Variants in CRPPA observed in about 807,000 individuals in gnomAD.
The protein encoded by CRPPA is D-ribitol-5-phosphate cytidylyltransferase.
Under a neutral mutation model 52.0 loss-of-function variants are expected in CRPPA, and 43 were observed. The ratio of observed to expected loss-of-function variants is 0.83; its 90% CI spans 0.65 to 1.07. The LOEUF (loss-of-function observed/expected upper bound fraction) is 1.07, where lower values mean the gene tolerates loss of function less well. CRPPA is among the 50% of genes least tolerant of loss of function. The pLI, the probability that CRPPA is intolerant of heterozygous loss-of-function variation, is 0.00. For missense variants in CRPPA, 629 were observed against 551.7 expected, an observed-to-expected ratio of 1.14 and a Z score of -1.40; for synonymous variants, 250 against 203.5, an observed-to-expected ratio of 1.23 and a Z score of -1.94.
At chr7:16,391,795 T>C (rs569105612) in intron 2 of CRPPA, among the ~76,000 whole-genome samples, 4 of 152,288 alleles carry the variant, frequency 2.6e-5, no homozygotes, top group Admixed American at 2.6e-4. Context: ...ACACATAGCA[T>C]GCACTCAGTA....
intron 9 of CRPPA, among the ~76,000 whole-genome samples, chr7:16,103,018 T>C (rs935967522): frequency 3.9e-5 from 6 of 152,164 alleles, no homozygotes; most frequent in African/African-American, 1.4e-4. Flanking sequence ...ATATTTATTG[T>C]AGCACTGTTC....
At chr7:16,165,874 CT>C (rs1179787447) in intron 9 of CRPPA, among the ~76,000 whole-genome samples, 1 of 152,216 alleles carries the variant, frequency 6.6e-6, no homozygotes, top group Non-Finnish European at 1.5e-5. Context: ...CTTCATAACC[CT>C]TTTCAACCTG....
intron 9 of CRPPA, among the ~76,000 whole-genome samples, chr7:16,122,999 G>T (rs577413737): frequency 1.3e-5 from 2 of 152,132 alleles, no homozygotes; most frequent in East Asian, 3.9e-4. Flanking sequence ...AAGCAAAATA[G>T]ATTTGTTTAA....
In CRPPA at chr7:16,126,082, A is replaced by G. The variant is rs141623841; in HGVS notation, c.1252-34283T>C. ...CATGCACAAGGTAGGGCTCTATAAAAGCCAATACTGGGTTTATTTAAGCTT... is the reference window on the plus strand; with the variant it reads ...CATGCACAAGGTAGGGCTCTATAAAGGCCAATACTGGGTTTATTTAAGCTT... On this transcript the variant is annotated intron_variant, in intron 9 of 9. Transcript: ENST00000407010. Among the ~76,000 whole-genome samples, 456 of 152,306 alleles carry G rather than the reference A, an allele frequency of 3.0e-3. 3 individuals are homozygous for G. Among genetic ancestry groups the G allele is most frequent in the African/African-American group, 0.01 (435 of 41,580 alleles).
At chr7:16,395,776 A>C (rs1317525478) in intron 2 of CRPPA, among the ~76,000 whole-genome samples, 1 of 152,252 alleles carries the variant, frequency 6.6e-6, no homozygotes, top group African/African-American at 2.4e-5. Context: ...CTAGGATGTT[A>C]AACATTATTT....
At chr7:16,420,496 A>C (rs1788300331) in intron 1 of CRPPA, among the ~76,000 whole-genome samples, 2 of 152,160 alleles carry the variant, frequency 1.3e-5, no homozygotes, top group Admixed American at 6.5e-5. Flanking sequence ...CCTTTCTAAG[A>C]TAAAGGGGGT....
intron 8 of CRPPA, among the ~76,000 whole-genome samples, chr7:16,216,979 C>G (rs1782342531): frequency 6.6e-6 from 1 of 152,244 alleles, no homozygotes; most frequent in African/African-American, 2.4e-5. Flanking sequence ...GGCTTCACCT[C>G]TGGGGGCAGG....
intron 2 of CRPPA, among the ~76,000 whole-genome samples, chr7:16,386,673 G>T (rs183602953): frequency 1.9e-4 from 29 of 152,184 alleles, no homozygotes; most frequent in African/African-American, 6.7e-4. Flanking sequence ...GCACCAACAG[G>T]AACAAATTAA....
At position 16,242,890 on chromosome 7, in the gene CRPPA, A is replaced by T. The variant is rs76395880; in HGVS notation, c.1119+15500T>A. 5.6e-4 allele frequency among the ~76,000 whole-genome samples: 85 copies of T among 152,298 alleles called. 1 individual carries two copies. The East Asian group carries it at 0.013, about 23-fold the overall frequency. The stretch of plus-strand genomic sequence containing the variant: ...TGCATAGAATCATAATGTCATACTA[A>T]CATACAGATTCATTAAGAACAGAAC... On this transcript the variant is annotated intron_variant, in intron 8 of 9. Transcript: ENST00000407010.
At chr7:16,341,336 G>A (rs68148316) in intron 3 of CRPPA, among the ~76,000 whole-genome samples, 34,187 of 151,574 alleles carry the variant, frequency 0.23, 4,265 homozygotes, top group Non-Finnish European at 0.3. Flanking sequence ...TCATGGGAAA[G>A]GCTATGCACA....
At chr7:16,278,565 C>T (rs1406578421) in intron 5 of CRPPA, among the ~76,000 whole-genome samples, 2 of 152,204 alleles carry the variant, frequency 1.3e-5, no homozygotes, top group Non-Finnish European at 2.9e-5. Flanking sequence ...TAAGGAGTCT[C>T]CCAGAACCTA....
chr7:16,348,867 G>C (rs959877240), intron 3 of CRPPA, among the ~76,000 whole-genome samples: 12 of 152,142 alleles, frequency 7.9e-5, no homozygotes, highest in African/African-American at 2.7e-4. Flanking sequence ...CACTTCTAGA[G>C]CTAGCTCCCA....
chr7:16,339,913 A>T (rs975223619), intron 3 of CRPPA, among the ~76,000 whole-genome samples: 3 of 152,154 alleles, frequency 2.0e-5, no homozygotes, highest in Non-Finnish European at 2.9e-5. Flanking sequence ...TTTAAAAAAA[A>T]GTAGGTCAAA....
chr7:16,122,883 C>T (rs1450517739), intron 9 of CRPPA, among the ~76,000 whole-genome samples: 1 of 152,020 alleles, frequency 6.6e-6, no homozygotes, highest in Non-Finnish European at 1.5e-5. Context: ...TTATTTTCAA[C>T]ATGAGGTGAT....
intron 2 of CRPPA, among the ~76,000 whole-genome samples, chr7:16,385,260 T>C (rs1787227623): frequency 6.6e-6 from 1 of 151,718 alleles, no homozygotes; most frequent in Non-Finnish European, 1.5e-5. Context: ...AGGAAATGAC[T>C]GGTAACCTCA....
At chr7:16,271,026 C>A (rs1287068868) in intron 6 of CRPPA, among the ~76,000 whole-genome samples, 1 of 151,924 alleles carries the variant, frequency 6.6e-6, no homozygotes, top group Non-Finnish European at 1.5e-5. Flanking sequence ...AAACTAAGTA[C>A]CATAGAACAG....
intron 4 of CRPPA, among the ~76,000 whole-genome samples, chr7:16,302,730 C>T (rs1784816757): frequency 6.6e-6 from 1 of 152,166 alleles, no homozygotes; most frequent in African/African-American, 2.4e-5. Context: ...TTCACCCACA[C>T]AGAACCTTTC....
chr7:16,150,350 T>C (rs1470441727), intron 9 of CRPPA, among the ~76,000 whole-genome samples: 2 of 152,166 alleles, frequency 1.3e-5, no homozygotes, highest in Non-Finnish European at 2.9e-5. Flanking sequence ...TCCTGTCTAA[T>C]TAAGAAGAAT....
chr7:16,184,782 T>C (rs766560755), intron 9 of CRPPA, among the ~76,000 whole-genome samples: 5 of 152,210 alleles, frequency 3.3e-5, no homozygotes, highest in Non-Finnish European at 7.3e-5. Flanking sequence ...TTTAGGCAGA[T>C]TGGGTTTTTA....
Sources: gnomAD v4.1 joint callset for allele counts (sites outside exome capture counted in the v4.1 genomes callset) on GRCh38, gnomAD v4.1.1 for gene constraint, MANE v1.5 for transcripts, NCBI Gene and HGNC (gene_info 2026-07-23, HGNC 2026-07-21) for gene names.